CACNA1C: variants seen among roughly 807,000 people sequenced by gnomAD.
CACNA1C encodes the protein calcium voltage-gated channel subunit alpha1 C.
In CACNA1C, 30 loss-of-function variants were observed where a neutral mutation model predicts 229.0. That is an observed-to-expected ratio of 0.13 (90% CI 0.10 to 0.18). The LOEUF is 0.18. Among genes scored for constraint, CACNA1C ranks in the 10% least tolerant of loss-of-function variants. CACNA1C has a pLI of 1.00. For synonymous variants in CACNA1C, 1,114 were observed against 1,132.5 expected, an observed-to-expected ratio of 0.98 and a Z score of 0.33; for missense variants, 1,658 against 2,845.0, an observed-to-expected ratio of 0.58 and a Z score of 9.49.
intron 42 of CACNA1C, chr12:2,682,042 C>G: frequency 6.3e-7 from 1 of 1,592,714 alleles, no homozygotes; most frequent in African/African-American, 1.3e-5. Context: ...CTCAGGAGAG[C>G]AAACCCCTCT....
At chr12:2,101,509 T>G (rs1271627364) in intron 1 of CACNA1C, among the ~76,000 whole-genome samples, 3 of 152,072 alleles carry the variant, frequency 2.0e-5, no homozygotes, top group African/African-American at 7.2e-5. Context: ...AGAACAGAAA[T>G]GCACGCTCCG....
chr12:2,503,075 G>C (rs2238086), intron 7 of CACNA1C, among the ~76,000 whole-genome samples: 10,539 of 152,280 alleles, frequency 0.069, 420 homozygotes, highest in South Asian at 0.1. Flanking sequence ...CCACACACTT[G>C]TGTTGTTACA....
intron 3 of CACNA1C, among the ~76,000 whole-genome samples, chr12:2,201,153 A>G (rs976358916): frequency 1.3e-5 from 2 of 152,100 alleles, no homozygotes; most frequent in African/African-American, 4.8e-5. Flanking sequence ...GGAGTCTTAC[A>G]GCTTTGTCTC....
intron 1 of CACNA1C, among the ~76,000 whole-genome samples, chr12:2,113,950 T>G (rs932393920): frequency 2.0e-5 from 3 of 152,206 alleles, no homozygotes; most frequent in Non-Finnish European, 2.9e-5. Flanking sequence ...CTGGTTCCAA[T>G]CAGGTTTCCT....
chr12:2,267,471 C>A (rs2082819451), intron 3 of CACNA1C, among the ~76,000 whole-genome samples: 2 of 152,086 alleles, frequency 1.3e-5, no homozygotes, highest in Admixed American at 1.3e-4. Context: ...CAGGACTGGG[C>A]AGGGAGGAAA....
At chr12:2,156,975 A>T (rs1194326942) in intron 3 of CACNA1C, among the ~76,000 whole-genome samples, 1 of 152,222 alleles carries the variant, frequency 6.6e-6, no homozygotes, top group Admixed American at 6.5e-5. Context: ...GAGACAGCTG[A>T]ATCCTAAGCG....
chr12:2,309,877 C>G (rs1481156498), intron 3 of CACNA1C, among the ~76,000 whole-genome samples: 1 of 152,132 alleles, frequency 6.6e-6, no homozygotes, highest in Non-Finnish European at 1.5e-5. Context: ...GTGGAGGAGA[C>G]AGCTGGATCC....
rs1254922794 is a variant in CACNA1C at position 2,651,807 on chromosome 12, G to A, written c.4074+39G>A. On this transcript the variant is annotated intron_variant, in intron 32 of 46. Coordinates refer to ENST00000399655, the MANE Select transcript of CACNA1C (RefSeq NM_000719.7). The surrounding 1 kb of genome is among the most constrained non-coding windows in gnomAD (Gnocchi z 5.4). ...ATGTCCTGCGGCCCGGGGAATCGCA[G>A]GGCTGCCGCGTGGCCCAGAACACAG... 4.0e-6 allele frequency: 6 copies of A among 1,518,988 alleles called. No individual in the cohort carries two copies. The highest frequency in any genetic ancestry group is 5.4e-6 in the Non-Finnish European group (6 of 1,115,478). The allele number at this position is 1,518,988 out of a possible 1,614,324, so 94.1% of individuals were successfully genotyped here. A position where few individuals can be genotyped will look rare whatever the true frequency, so the allele number is the denominator to read the frequency against.
chr12:2,446,489 T>G (rs1300147801), intron 3 of CACNA1C, among the ~76,000 whole-genome samples: 1 of 141,476 alleles, frequency 7.1e-6, no homozygotes, highest in Non-Finnish European at 1.5e-5. Context: ...GACGGATGGG[T>G]GCGTCAGTGG....
At chr12:2,638,429 A>G (rs977906983) in intron 30 of CACNA1C, among the ~76,000 whole-genome samples, 6 of 152,050 alleles carry the variant, frequency 3.9e-5, no homozygotes, top group African/African-American at 1.4e-4. Context: ...AGGGTAGCAG[A>G]GGGGTAACTA....
intron 3 of CACNA1C, among the ~76,000 whole-genome samples, chr12:2,135,241 C>T (rs2093151410): frequency 6.9e-6 from 1 of 144,658 alleles, no homozygotes; most frequent in Non-Finnish European, 1.5e-5. Flanking sequence ...ACTTCTTTGC[C>T]TTTGGTTTGA....
chr12:2,086,027 G>C (rs2067517141), intron 1 of CACNA1C, among the ~76,000 whole-genome samples: 1 of 152,120 alleles, frequency 6.6e-6, no homozygotes, highest in African/African-American at 2.4e-5. Flanking sequence ...CCCTCCTTTG[G>C]GACTTCTTCC....
intron 29 of CACNA1C, among the ~76,000 whole-genome samples, chr12:2,623,740 C>T (rs527395737): frequency 3.1e-4 from 47 of 152,246 alleles, no homozygotes; most frequent in African/African-American, 8.9e-4. Flanking sequence ...TGAAGGCCAA[C>T]GGAAGACAAG....
chr12:1,999,556 A>T (rs537195115), intron 1 of CACNA1C, among the ~76,000 whole-genome samples: 10 of 152,002 alleles, frequency 6.6e-5, no homozygotes, highest in Non-Finnish European at 1.3e-4. Context: ...CCTTGCCTCT[A>T]CAAAACAAAA....
At position 2,545,977 on chromosome 12, in the gene CACNA1C, C is replaced by A. The variant is rs1316212977; in HGVS notation, c.1391-3966C>A. 2.0e-5 allele frequency among the ~76,000 whole-genome samples: 3 copies of A among 152,294 alleles called. No homozygotes were observed. The East Asian group carries it at 5.8e-4, about 29-fold the overall frequency. ...TGCTCTCCAGTGCAGTGGCTGGTGT[C>A]TTCACATGCTTCCATGTAGTAGCTG... is the stretch of plus-strand genomic sequence containing the variant. On this transcript the variant is annotated intron_variant, in intron 9 of 46. Transcript: ENST00000399655.
In CACNA1C at chr12:2,601,394, C is replaced by T. The variant is rs1242160184; in HGVS notation, c.2854-460C>T. Reference sequence around the variant, plus strand: ...ACCCTGCTGGGCATGCCCCGCCCCCCAACCCACCCACTCACGGCAGATGTC... The same window carrying T: ...ACCCTGCTGGGCATGCCCCGCCCCCTAACCCACCCACTCACGGCAGATGTC... On this transcript the variant is annotated intron_variant, in intron 21 of 46. Transcript: ENST00000399655. This position sits in a 1 kb window ranked among gnomAD's most constrained non-coding sequence, Gnocchi z 5.9. 6.6e-6 allele frequency among the ~76,000 whole-genome samples: 1 copy of T among 152,166 alleles called. No homozygotes were observed. The highest frequency in any genetic ancestry group is 1.5e-5 in the Non-Finnish European group (1 of 68,024).
intron 3 of CACNA1C, among the ~76,000 whole-genome samples, chr12:2,144,068 T>G (rs1165346188): frequency 1.3e-5 from 2 of 151,492 alleles, no homozygotes; most frequent in African/African-American, 4.8e-5. Context: ...CTCTGTTGCT[T>G]GTGGTCAGCA....
chr12:2,296,213 C>G (rs1268651001), intron 3 of CACNA1C, among the ~76,000 whole-genome samples: 1 of 152,196 alleles, frequency 6.6e-6, no homozygotes, highest in Admixed American at 6.5e-5. Flanking sequence ...GATAGTCACT[C>G]TGTTCTAATG....
intron 10 of CACNA1C, chr12:2,550,458 C>T (rs1454547984): frequency 7.9e-6 from 9 of 1,141,084 alleles, no homozygotes; most frequent in Non-Finnish European, 1.1e-5. Flanking sequence ...ATAAATGTGA[C>T]CTGGGAGAGA....
Sources: allele counts gnomAD v4.1 joint callset (sites outside exome capture counted in the v4.1 genomes callset), GRCh38; gene constraint gnomAD v4.1.1; non-coding constraint Gnocchi (gnomAD v3.1); transcripts MANE v1.5; gene names NCBI Gene and HGNC (gene_info 2026-07-23, HGNC 2026-07-21).